Variants in IL1RAPL2 observed in about 807,000 individuals in gnomAD.
The protein encoded by IL1RAPL2 is interleukin 1 receptor accessory protein like 2, also known as X-linked interleukin-1 receptor accessory protein-like 2.
In IL1RAPL2, 3 loss-of-function variants were observed where a neutral mutation model predicts 44.1. That is an observed-to-expected ratio of 0.07 (90% confidence interval 0.03 to 0.18). The LOEUF is 0.18. Ranked by LOEUF, IL1RAPL2 falls within the 10% of genes least tolerant of loss-of-function variation. The pLI is 1.00. For missense variants in IL1RAPL2, 391 were observed against 496.4 expected, an observed-to-expected ratio of 0.79 and a Z score of 2.02; for synonymous variants, 181 against 178.8, an observed-to-expected ratio of 1.01 and a Z score of -0.10.
intron 2 of IL1RAPL2, among the ~76,000 whole-genome samples, chrX:104,758,673 T>A (rs1343984810): frequency 8.9e-6 from 1 of 112,041 alleles, no homozygotes; most frequent in African/African-American, 3.2e-5. Flanking sequence ...TTGTTAAAAG[T>A]GTGTAAATGC....
At chrX:104,963,949 G>A (rs2030060686) in intron 2 of IL1RAPL2, among the ~76,000 whole-genome samples, 1 of 109,751 alleles carries the variant, frequency 9.1e-6, no homozygotes. Flanking sequence ...GAGAGAGAGA[G>A]AGAGAGAGAG....
intron 1 of IL1RAPL2, among the ~76,000 whole-genome samples, chrX:104,586,628 A>G (rs1452289625): frequency 2.7e-5 from 3 of 112,067 alleles, no homozygotes; most frequent in Non-Finnish European, 5.6e-5. Flanking sequence ...TCAGATCACA[A>G]GCAACTTTAC....
At chrX:105,078,295 C>G (rs1024216189) in intron 2 of IL1RAPL2, among the ~76,000 whole-genome samples, 1 of 111,801 alleles carries the variant, frequency 8.9e-6, no homozygotes, top group Non-Finnish European at 1.9e-5. Flanking sequence ...TACTGGAGGT[C>G]CACTCCAGAC....
intron 1 of IL1RAPL2, among the ~76,000 whole-genome samples, chrX:104,636,906 T>G (rs1281569532): frequency 9.0e-6 from 1 of 111,482 alleles, no homozygotes; most frequent in Non-Finnish European, 1.9e-5. Context: ...CAGTTGGAAA[T>G]GCAGAAATCT....
chrX:105,289,341 A>G (rs1355004846), intron 5 of IL1RAPL2, among the ~76,000 whole-genome samples: 1 of 110,950 alleles, frequency 9.0e-6, no homozygotes, highest in East Asian at 2.8e-4. Flanking sequence ...AGGGTTTTGA[A>G]CAGAGGCTTG....
intron 6 of IL1RAPL2, among the ~76,000 whole-genome samples, chrX:105,529,810 A>G (rs964314777): frequency 4.5e-5 from 5 of 111,930 alleles, no homozygotes; most frequent in African/African-American, 1.6e-4. Context: ...ATATGGAACC[A>G]TACAACATGT....
intron 1 of IL1RAPL2, among the ~76,000 whole-genome samples, chrX:104,641,951 T>A (rs780205539): frequency 9.0e-6 from 1 of 111,587 alleles, no homozygotes; most frequent in East Asian, 2.8e-4. Flanking sequence ...ACAGACTCAC[T>A]CCCTGGAACA....
At chrX:104,575,609 T>C (rs1178846051) in intron 1 of IL1RAPL2, among the ~76,000 whole-genome samples, 1 of 111,567 alleles carries the variant, frequency 9.0e-6, no homozygotes, top group Non-Finnish European at 1.9e-5. Flanking sequence ...ACTTACCTGC[T>C]CCATTGTTCT....
intron 5 of IL1RAPL2, among the ~76,000 whole-genome samples, chrX:105,352,743 C>G (rs753080657): frequency 3.6e-5 from 4 of 109,816 alleles, no homozygotes; most frequent in East Asian, 2.9e-4. Flanking sequence ...TGAGAAGTGT[C>G]TGTTCATATC....
chrX:104,928,917 G>T (rs1179147713), intron 2 of IL1RAPL2, among the ~76,000 whole-genome samples: 2 of 111,196 alleles, frequency 1.8e-5, no homozygotes, highest in African/African-American at 6.5e-5. Flanking sequence ...TCTGGTAAAG[G>T]ATTTTTGAAA....
At chrX:104,877,064 A>C (rs1255122669) in intron 2 of IL1RAPL2, among the ~76,000 whole-genome samples, 3 of 110,257 alleles carry the variant, frequency 2.7e-5, no homozygotes, top group Non-Finnish European at 3.8e-5. Flanking sequence ...TGAACTCATC[A>C]TTTTTTATGG....
At chrX:104,811,311 C>G (rs1408252874) in intron 2 of IL1RAPL2, among the ~76,000 whole-genome samples, 1 of 111,742 alleles carries the variant, frequency 8.9e-6, no homozygotes, top group Non-Finnish European at 1.9e-5. Flanking sequence ...GAAAAAAAAG[C>G]AGGTCACATG....
At position 105,135,812 on chromosome X, in the gene IL1RAPL2, C is replaced by G. The variant is rs1230094456; in HGVS notation, c.83-59663C>G. Among the ~76,000 whole-genome samples the G allele has an allele frequency of 4.7e-5, 5 of 107,307 alleles. No individual in the cohort carries two copies. The East Asian group carries it at 1.4e-3, about 31-fold the overall frequency. The allele number at this position is 107,307 out of a possible 115,157, so 93.2% of individuals were successfully genotyped here. ...ATGTTATGCAGATGCCCAGATCCCC[C>G]AAAGACAACTGCCTTTGCACACTGT... On this transcript the variant is annotated intron_variant, in intron 2 of 10. Transcript: ENST00000372582.
At chrX:105,751,116 T>A (rs1417970262) in intron 9 of IL1RAPL2, among the ~76,000 whole-genome samples, 2 of 109,738 alleles carry the variant, frequency 1.8e-5, no homozygotes, top group East Asian at 5.8e-4. Context: ...AAAATTAGTT[T>A]AAAAAATATT....
intron 6 of IL1RAPL2, among the ~76,000 whole-genome samples, chrX:105,653,167 A>C (rs1245245546): frequency 8.9e-6 from 1 of 111,796 alleles, no homozygotes; most frequent in Non-Finnish European, 1.9e-5. Context: ...TACGGAAAAT[A>C]TAGCTTCTGA....
At chrX:104,844,614 CAA>C (rs1921998947) in intron 2 of IL1RAPL2, among the ~76,000 whole-genome samples, 2 of 111,242 alleles carry the variant, frequency 1.8e-5, no homozygotes, top group African/African-American at 3.3e-5. Context: ...AACAAACAAA[CAA>C]AAACAGAAAA....
intron 2 of IL1RAPL2, among the ~76,000 whole-genome samples, chrX:104,960,417 AC>A (rs1478720486): frequency 1.8e-5 from 2 of 112,034 alleles, no homozygotes; most frequent in East Asian, 5.6e-4. Flanking sequence ...AAATCCTTTG[AC>A]TAAATGCTAT....
chrX:105,049,217 T>C (rs2031884892), intron 2 of IL1RAPL2, among the ~76,000 whole-genome samples: 1 of 109,951 alleles, frequency 9.1e-6, no homozygotes, highest in African/African-American at 3.3e-5. Flanking sequence ...TTAGAATATA[T>C]AGCAAACCTG....
At chrX:105,328,780 A>G (rs2060294064) in intron 5 of IL1RAPL2, among the ~76,000 whole-genome samples, 2 of 112,221 alleles carry the variant, frequency 1.8e-5, no homozygotes, top group Admixed American at 9.5e-5. Context: ...ATACACAAAT[A>G]TTTACCACTG....
Sources: allele counts gnomAD v4.1 joint callset (sites outside exome capture counted in the v4.1 genomes callset), GRCh38; gene constraint gnomAD v4.1.1; transcripts MANE v1.5; gene names NCBI Gene and HGNC (gene_info 2026-07-23, HGNC 2026-07-21).